KIZ: variants seen among roughly 807,000 people sequenced by gnomAD.
KIZ encodes kizuna centrosomal protein, also known as centrosomal protein kizuna.
KIZ carries 68 observed loss-of-function variants against 79.6 expected under a neutral mutation model. The ratio of observed to expected loss-of-function variants is 0.85; its 90% CI spans 0.70 to 1.05. The LOEUF (loss-of-function observed/expected upper bound fraction) is 1.05. Among genes scored for constraint, KIZ ranks in the 50% least tolerant of loss-of-function variants. KIZ has a pLI of 0.00. For missense variants in KIZ, 797 were observed against 800.4 expected (o/e 1.00, Z 0.05); for synonymous variants, 280 against 281.8 (o/e 0.99, Z 0.06).
chr20:21,140,705 A>T (rs1216106975), intron 3 of KIZ, among the ~76,000 whole-genome samples: 2 of 152,188 alleles, frequency 1.3e-5, no homozygotes, highest in Non-Finnish European at 2.9e-5. Flanking sequence ...AGGTCTGGGC[A>T]TGGTGGTTCA....
chr20:21,201,068 A>T (rs1232070565), intron 6 of KIZ, among the ~76,000 whole-genome samples: 3 of 151,600 alleles, frequency 2.0e-5, no homozygotes, highest in African/African-American at 7.3e-5. Flanking sequence ...CTATAGTGTC[A>T]GTTAGGAGGC....
rs142913671 is a variant in KIZ at position 21,177,583 on chromosome 20, A to T, written c.1352+14424A>T. 1.2e-4 allele frequency among the ~76,000 whole-genome samples: 18 copies of T among 152,124 alleles called. No individual in the cohort carries two copies. In the East Asian group the frequency reaches 3.5e-3, roughly 29 times the overall value. Reference sequence around the variant, plus strand: ...TGCTATGCAGAAACTTTTTAGTTTGATGTAGTCCCACTTGTCTATTTTTGC... The same window carrying T: ...TGCTATGCAGAAACTTTTTAGTTTGTTGTAGTCCCACTTGTCTATTTTTGC... On this transcript the variant is annotated intron_variant, in intron 6 of 12. Transcript: ENST00000619189.
intron 6 of KIZ, among the ~76,000 whole-genome samples, chr20:21,167,283 G>T (rs928711448): frequency 6.6e-6 from 1 of 152,196 alleles, no homozygotes; most frequent in African/African-American, 2.4e-5. Context: ...GGATAGAAGT[G>T]TCTACCCATA....
chr20:21,224,245 C>T (rs937527403), intron 9 of KIZ, among the ~76,000 whole-genome samples: 1 of 152,250 alleles, frequency 6.6e-6, no homozygotes, highest in Non-Finnish European at 1.5e-5. Flanking sequence ...TCCCTAAGTG[C>T]TGGGATTACA....
chr20:21,214,726 A>G (rs754633093), intron 8 of KIZ, 26 bp downstream of exon 8: 1 of 1,567,160 alleles, frequency 6.4e-7, no homozygotes, highest in Non-Finnish European at 8.8e-7. Flanking sequence ...GTGTGTGTCC[A>G]CAGCAAAAAG....
intron 9 of KIZ, among the ~76,000 whole-genome samples, chr20:21,222,573 A>G (rs1025001672): frequency 2.6e-5 from 4 of 152,214 alleles, no homozygotes; most frequent in African/African-American, 4.8e-5. Context: ...GGCTGTTGTA[A>G]CAAAGTATCA....
intron 1 of KIZ, among the ~76,000 whole-genome samples, chr20:21,128,047 C>CT (rs1183945909): frequency 3.3e-5 from 5 of 152,236 alleles, no homozygotes; most frequent in Admixed American, 3.3e-4. Flanking sequence ...TAGTCTCACT[C>CT]TGTCACCCAG....
chr20:21,169,833 T>TA, intron 6 of KIZ, among the ~76,000 whole-genome samples: 1 of 152,320 alleles, frequency 6.6e-6, no homozygotes, highest in East Asian at 1.9e-4. Flanking sequence ...CAAGTAGTAT[T>TA]ATCAGGTTGG....
intron 7 of KIZ, among the ~76,000 whole-genome samples, chr20:21,210,081 G>C (rs1485656728): frequency 6.6e-6 from 1 of 152,000 alleles, no homozygotes; most frequent in African/African-American, 2.4e-5. Context: ...GCCGAGGTTG[G>C]TGGATCACCT....
At chr20:21,238,162 T>C (rs893259768) in intron 11 of KIZ, among the ~76,000 whole-genome samples, 9 of 152,006 alleles carry the variant, frequency 5.9e-5, no homozygotes, top group Non-Finnish European at 1.0e-4. Context: ...TGGATAGTCA[T>C]TGTGCTTCCT....
intron 9 of KIZ, chr20:21,218,201 T>TAGTCCCATGAGG (rs1218440403): frequency 6.6e-6 from 1 of 152,168 alleles, no homozygotes; most frequent in Non-Finnish European, 1.5e-5. Context: ...AATTTCCACT[T>TAGTCCCATGAGG]AGTCCCATGA....
intron 9 of KIZ, among the ~76,000 whole-genome samples, chr20:21,222,021 T>A (rs928243405): frequency 1.3e-5 from 2 of 152,230 alleles, no homozygotes; most frequent in Non-Finnish European, 2.9e-5. Flanking sequence ...AACCACTGTG[T>A]GTTGCTGGAT....
At chr20:21,184,430 G>A (rs1263076042) in intron 6 of KIZ, among the ~76,000 whole-genome samples, 4 of 152,186 alleles carry the variant, frequency 2.6e-5, no homozygotes, top group African/African-American at 4.8e-5. Flanking sequence ...GATTACAGGC[G>A]TGAGCCACCA....
chr20:21,199,025 GC>G (rs2123111570), intron 6 of KIZ, among the ~76,000 whole-genome samples: 1 of 152,180 alleles, frequency 6.6e-6, no homozygotes, highest in East Asian at 1.9e-4. Context: ...ATACTATTTG[GC>G]ATAAACCACA....
At chr20:21,231,839 A>C (rs904529024) in intron 10 of KIZ, among the ~76,000 whole-genome samples, 3 of 152,196 alleles carry the variant, frequency 2.0e-5, no homozygotes, top group African/African-American at 7.2e-5. Flanking sequence ...CTTACTTCTG[A>C]GTCTTTGGAC....
intron 10 of KIZ, 72 bp from the exon 11 acceptor site, chr20:21,232,662 G>C: frequency 2.6e-6 from 2 of 766,958 alleles, no homozygotes; most frequent in South Asian, 3.0e-5. Context: ...TTACTGTGAG[G>C]CCACTTTATT....
At chr20:21,228,930 T>TA (rs746847990) in intron 9 of KIZ, 81 bp from the exon 10 acceptor site, 210 of 691,476 alleles carry the variant, frequency 3.0e-4, no homozygotes, top group Non-Finnish European at 4.7e-4. Context: ...TAAGAAGTGT[T>TA]AATCTCATAG....
At chr20:21,236,757 G>A (rs1480873430) in intron 11 of KIZ, among the ~76,000 whole-genome samples, 2 of 152,182 alleles carry the variant, frequency 1.3e-5, no homozygotes. Context: ...CACTTTGGGA[G>A]GCCGAGGCAG....
intron 7 of KIZ, among the ~76,000 whole-genome samples, chr20:21,206,779 G>C (rs2035843809): frequency 6.6e-6 from 1 of 152,176 alleles, no homozygotes; most frequent in Non-Finnish European, 1.5e-5. Context: ...CATTGAAGGA[G>C]GGAGCCCTGC....
Sources: allele counts gnomAD v4.1 joint callset (sites outside exome capture counted in the v4.1 genomes callset), GRCh38; gene constraint gnomAD v4.1.1; transcripts MANE v1.5; gene names NCBI Gene and HGNC (gene_info 2026-07-23, HGNC 2026-07-21).